The following ADCY2 variants were observed in gnomAD, a reference collection of about 807,000 sequenced individuals.
ADCY2 encodes adenylate cyclase type 2.
Under a neutral mutation model 125.2 loss-of-function variants are expected in ADCY2, and 31 were observed. The observed-to-expected ratio is 0.25, with a 90% confidence interval of 0.19 to 0.33. The LOEUF is 0.33. Ranked by LOEUF, ADCY2 falls within the 10% of genes least tolerant of loss-of-function variation. The pLI, the probability that ADCY2 is intolerant of heterozygous loss-of-function variation, is 1.00. For missense variants in ADCY2, 904 were observed against 1,418.2 expected (o/e 0.64, Z 5.82); for synonymous variants, 512 against 548.4 (o/e 0.93, Z 0.93).
chr5:7,677,970 A>G (rs888742544), intron 4 of ADCY2, among the ~76,000 whole-genome samples: 4 of 152,182 alleles, frequency 2.6e-5, no homozygotes, highest in Non-Finnish European at 5.9e-5. Flanking sequence ...AGCTTTATAC[A>G]TGTCAATTTA....
intron 2 of ADCY2, among the ~76,000 whole-genome samples, chr5:7,508,031 G>T (rs185892271): frequency 6.6e-6 from 1 of 151,444 alleles, no homozygotes; most frequent in African/African-American, 2.4e-5. Flanking sequence ...AGAGATATTT[G>T]TGTAATATTT....
chr5:7,674,451 G>A (rs984596996), intron 4 of ADCY2, among the ~76,000 whole-genome samples: 6 of 152,330 alleles, frequency 3.9e-5, no homozygotes, highest in Non-Finnish European at 5.9e-5. Context: ...CTCACCCCCT[G>A]GAGGGGAGCA....
chr5:7,690,851 T>C lies in ADCY2; in HGVS notation c.869+12T>C. The C allele has an allele frequency of 6.5e-7, 1 of 1,546,788 alleles. No individual in the cohort carries two copies. The highest frequency in any genetic ancestry group is 1.4e-5 in the African/African-American group (1 of 72,296). On this transcript the variant is annotated intron_variant, in intron 5 of 24. Transcript: ENST00000338316. ...CATACAAACGTGAGGTACGACGCTA[T>C]GCTTGCTCCTTGGCTGGTCTGGGAG...
intron 4 of ADCY2, chr5:7,658,270 T>TC (rs1296338543): frequency 6.6e-6 from 1 of 152,248 alleles, no homozygotes; most frequent in African/African-American, 2.4e-5. Flanking sequence ...CTCCAGTTTT[T>TC]CTCATGAACC....
At chr5:7,482,582 A>G (rs1254845804) in intron 2 of ADCY2, among the ~76,000 whole-genome samples, 1 of 152,010 alleles carries the variant, frequency 6.6e-6, no homozygotes, top group African/African-American at 2.4e-5. Flanking sequence ...AGGTTTCTCA[A>G]AAAACTAAAA....
Position 7,507,463 on chromosome 5 carries a change from G to A in ADCY2, c.409-13275G>A, listed in dbSNP as rs998372390. Reference sequence around the variant, plus strand: ...CTCAAAAAAAAAAAAAAAAAAAAAGGTAACAAAGCCACTTTTGTAAAAACC... The same window carrying A: ...CTCAAAAAAAAAAAAAAAAAAAAAGATAACAAAGCCACTTTTGTAAAAACC... On this transcript the variant is annotated intron_variant, in intron 2 of 24. Transcript: ENST00000338316. 6.4e-3 allele frequency among the ~76,000 whole-genome samples: 913 copies of A among 143,454 alleles called. 66 individuals are homozygous for A. The highest frequency in any genetic ancestry group is 0.022 in the African/African-American group (850 of 38,706). 94.1% of individuals were successfully genotyped at this position (143,454 alleles called of 152,430 possible). A position where few individuals can be genotyped will look rare whatever the true frequency, so the allele number is the denominator to read the frequency against.
At chr5:7,597,512 C>A (rs899220476) in intron 3 of ADCY2, among the ~76,000 whole-genome samples, 1 of 152,210 alleles carries the variant, frequency 6.6e-6, no homozygotes, top group East Asian at 1.9e-4. Flanking sequence ...CAGTGGCTCA[C>A]GCCTGTAATC....
chr5:7,463,576 C>T lies in ADCY2; in HGVS notation c.408+48806C>T, dbSNP rs1436033126. Among the ~76,000 whole-genome samples the T allele has an allele frequency of 1.4e-5, 2 of 139,052 alleles. 1 individual carries two copies. The highest frequency in any genetic ancestry group is 7.5e-3 in the Middle Eastern group (2 of 268). The allele number at this position is 139,052 out of a possible 152,430, so 91.2% of individuals were successfully genotyped here. The stretch of plus-strand genomic sequence containing the variant: ...TGAAGCTGTACTGTTGTTTCTCATT[C>T]ATCACATGGATGGGCTTATGCTGAG... On this transcript the variant is annotated intron_variant, in intron 2 of 24. Coordinates refer to ENST00000338316, the MANE Select transcript of ADCY2 (RefSeq NM_020546.3).
At position 7,690,842 on chromosome 5, in the gene ADCY2, A is replaced by G. The variant is rs1242546348; in HGVS notation, c.869+3A>G. 6.4e-7 allele frequency: 1 copy of G among 1,573,344 alleles called. No individual in the cohort carries two copies. The highest frequency in any genetic ancestry group is 8.6e-7 in the Non-Finnish European group (1 of 1,162,560). ...GTGAAGCGGCATACAAACGTGAGGT[A>G]CGACGCTATGCTTGCTCCTTGGCTG... is the stretch of plus-strand genomic sequence containing the variant. On this transcript the variant is annotated splice_donor_region_variant and intron_variant, in intron 5 of 24. Transcript: ENST00000338316.
intron 14 of ADCY2, among the ~76,000 whole-genome samples, chr5:7,728,201 A>G (rs1377022435): frequency 6.6e-6 from 1 of 152,200 alleles, no homozygotes; most frequent in Non-Finnish European, 1.5e-5. Flanking sequence ...TAGATTGAGT[A>G]GCGTTTTGTC....
intron 3 of ADCY2, among the ~76,000 whole-genome samples, chr5:7,573,716 A>G (rs1428760231): frequency 6.7e-6 from 1 of 149,126 alleles, no homozygotes; most frequent in East Asian, 2.0e-4. Context: ...TAGATTGTGC[A>G]GTTGCCTTTT....
At chr5:7,507,665 G>A (rs1265907674) in intron 2 of ADCY2, among the ~76,000 whole-genome samples, 1 of 152,034 alleles carries the variant, frequency 6.6e-6, no homozygotes, top group East Asian at 1.9e-4. Flanking sequence ...GATGAGAAAG[G>A]TAATTTTTAA....
rs117218663 is a variant in ADCY2 at position 7,534,999 on chromosome 5, G to A, written c.570+14100G>A. Among the ~76,000 whole-genome samples, 113 of 152,304 alleles carry A rather than the reference G, an allele frequency of 7.4e-4. No homozygotes were observed. In the East Asian group the frequency reaches 0.021, roughly 29 times the overall value. On this transcript the variant is annotated intron_variant, in intron 3 of 24. Coordinates refer to ENST00000338316, the MANE Select transcript of ADCY2 (RefSeq NM_020546.3). ...TTGCACATTCCCTGGGCCTTGAGAT[G>A]AGCTTCTGAGATCTTTGGCAGAAAC...
In ADCY2 at chr5:7,424,601, G is replaced by C. The variant is rs368067525; in HGVS notation, c.408+9831G>C. ...ACCACTTTTGGGTTGATGTTATTTG[G>C]AAAAACTTCGTGGGGAGGGAGCAGT... On this transcript the variant is annotated intron_variant, in intron 2 of 24. Coordinates refer to ENST00000338316, the MANE Select transcript of ADCY2 (RefSeq NM_020546.3). Among the ~76,000 whole-genome samples the C allele has an allele frequency of 3.3e-4, 50 of 152,310 alleles. 1 individual carries two copies. The South Asian group carries it at 9.1e-3, about 28-fold the overall frequency.
intron 4 of ADCY2, among the ~76,000 whole-genome samples, chr5:7,642,824 C>A (rs983955491): frequency 6.6e-6 from 1 of 151,966 alleles, no homozygotes; most frequent in African/African-American, 2.4e-5. Context: ...GAAAGAAATT[C>A]CAACAAAGAA....
chr5:7,673,286 A>ATATATATATATATATATATATATATAT (rs58505229), intron 4 of ADCY2, among the ~76,000 whole-genome samples: 10 of 53,834 alleles, frequency 1.9e-4, no homozygotes, highest in Non-Finnish European at 3.0e-4. Context: ...ATATATATAT[A>ATATATATATATATATATATATATATAT]AAATTAGCCA....
chr5:7,760,066 A>G (rs988487650), intron 16 of ADCY2, among the ~76,000 whole-genome samples: 1 of 152,236 alleles, frequency 6.6e-6, no homozygotes, highest in Non-Finnish European at 1.5e-5. Flanking sequence ...CACGAGCCAC[A>G]AGAATGCCTC....
rs188151907 is a variant in ADCY2 at position 7,758,389 on chromosome 5, T to G, written c.2094+803T>G. On this transcript the variant is annotated intron_variant, in intron 16 of 24. Coordinates refer to ENST00000338316, the MANE Select transcript of ADCY2 (RefSeq NM_020546.3). ...CATCAGCAGCAGCAGCTGTAGGAGA[T>G]CTGATGCTTCCTGTAGTGGAGGCTT... Among the ~76,000 whole-genome samples, 14 of 152,292 alleles carry G rather than the reference T, an allele frequency of 9.2e-5. No homozygotes were observed. The East Asian group carries it at 2.7e-3, about 29-fold the overall frequency.
intron 4 of ADCY2, among the ~76,000 whole-genome samples, chr5:7,642,914 C>T (rs112341599): frequency 4.6e-5 from 7 of 152,056 alleles, no homozygotes; most frequent in South Asian, 2.1e-4. Context: ...TAAGGGAATT[C>T]GTTACCATTA....
Sources: gnomAD v4.1 joint callset for allele counts (sites outside exome capture counted in the v4.1 genomes callset) on GRCh38, gnomAD v4.1.1 for gene constraint, MANE v1.5 for transcripts, NCBI Gene and HGNC (gene_info 2026-07-23, HGNC 2026-07-21) for gene names.